The following LRRC4C variants were observed in gnomAD, a reference collection of about 807,000 sequenced individuals.
LRRC4C encodes the protein leucine-rich repeat-containing protein 4C.
Under a neutral mutation model 33.6 loss-of-function variants are expected in LRRC4C, and 5 were observed. That is an observed-to-expected ratio of 0.15 (90% CI 0.08 to 0.31). The LOEUF is 0.31. Ranked by LOEUF, LRRC4C falls within the 10% of genes least tolerant of loss-of-function variation. LRRC4C has a pLI of 1.00. For synonymous variants in LRRC4C, 329 were observed against 302.0 expected (o/e 1.09, Z -0.93); for missense variants, 560 against 796.7 (o/e 0.70, Z 3.58).
intron 1 of LRRC4C, among the ~76,000 whole-genome samples, chr11:41,276,017 T>C (rs758478014): frequency 3.3e-5 from 5 of 152,196 alleles, no homozygotes; most frequent in Admixed American, 6.5e-5. Context: ...TGACAAGATG[T>C]TATTTTTAAA....
intron 3 of LRRC4C, among the ~76,000 whole-genome samples, chr11:40,384,527 A>T (rs1312516043): frequency 6.6e-6 from 1 of 152,182 alleles, no homozygotes; most frequent in Non-Finnish European, 1.5e-5. Context: ...CAGAACCAGG[A>T]TTCAAACTTC....
intron 3 of LRRC4C, among the ~76,000 whole-genome samples, chr11:40,427,399 C>G (rs1460042098): frequency 1.3e-5 from 2 of 152,136 alleles, no homozygotes; most frequent in African/African-American, 2.4e-5. Context: ...CCCACCTACT[C>G]AGGAGGCTGA....
At position 40,115,411 on chromosome 11, in the gene LRRC4C, C is replaced by T; in HGVS notation, c.882G>A (p.Glu294=). 6.2e-7 allele frequency: 1 copy of T among 1,614,176 alleles called. No homozygotes were observed. Among genetic ancestry groups the T allele is most frequent in the Admixed American group, 1.7e-5 (1 of 60,018 alleles). Residue 294 remains glutamate (E), a synonymous_variant, in exon 7 of 7, where the codon GAG becomes GAA. Coordinates refer to ENST00000528697, the MANE Select transcript of LRRC4C (RefSeq NM_001258419.2). This position sits in a 1 kb window ranked among gnomAD's most constrained non-coding sequence, Gnocchi z 6.7. The stretch of plus-strand genomic sequence containing the variant: ...AAGGGTTGTGATGTAAATGTATCCG[C>T]TCTAGATGATGCAAGGGAGTGAAGA... ...HDLFTPLHHL[E]RIHLHHNPWN...
chr11:40,888,251 T>C (rs1290126221), intron 2 of LRRC4C, among the ~76,000 whole-genome samples: 1 of 151,908 alleles, frequency 6.6e-6, no homozygotes, highest in Non-Finnish European at 1.5e-5. Flanking sequence ...TAAACATACA[T>C]GAAATATGTC....
At chr11:40,295,332 A>G (rs1646662116) in intron 4 of LRRC4C, among the ~76,000 whole-genome samples, 1 of 152,196 alleles carries the variant, frequency 6.6e-6, no homozygotes, top group South Asian at 2.1e-4. Context: ...ATATATATAT[A>G]TATGGAATAG....
intron 2 of LRRC4C, among the ~76,000 whole-genome samples, chr11:40,739,153 C>G (rs192583007): frequency 1.3e-3 from 190 of 151,976 alleles, no homozygotes; most frequent in Middle Eastern, 0.01. Flanking sequence ...TATTAGACCT[C>G]CAGGACTTAC....
chr11:40,558,327 C>T (rs550140749), intron 3 of LRRC4C, among the ~76,000 whole-genome samples: 1 of 152,118 alleles, frequency 6.6e-6, no homozygotes, highest in Admixed American at 6.5e-5. Flanking sequence ...ATCTGATCAG[C>T]GTAGGGATAC....
chr11:41,319,743 G>A (rs550375746), intron 1 of LRRC4C, among the ~76,000 whole-genome samples: 66 of 152,116 alleles, frequency 4.3e-4, no homozygotes, highest in African/African-American at 1.4e-3. Context: ...TAAAGATGGG[G>A]TCTTCCTATG....
intron 2 of LRRC4C, among the ~76,000 whole-genome samples, chr11:40,758,860 C>T (rs1949067300): frequency 6.6e-6 from 1 of 151,812 alleles, no homozygotes; most frequent in Non-Finnish European, 1.5e-5. Flanking sequence ...ACACCAAAAC[C>T]CATTCAGGTA....
chr11:40,690,899 G>T (rs1945192236), intron 2 of LRRC4C, among the ~76,000 whole-genome samples: 2 of 151,916 alleles, frequency 1.3e-5, no homozygotes, highest in Non-Finnish European at 2.9e-5. Flanking sequence ...AAGAAGAAAG[G>T]ACTCCAGAAG....
intron 2 of LRRC4C, among the ~76,000 whole-genome samples, chr11:40,669,889 A>G (rs938620147): frequency 6.6e-6 from 1 of 152,242 alleles, no homozygotes; most frequent in African/African-American, 2.4e-5. Flanking sequence ...TATTGAACTA[A>G]TTATAGAAAC....
At chr11:40,781,384 G>A (rs1950204757) in intron 2 of LRRC4C, among the ~76,000 whole-genome samples, 1 of 151,812 alleles carries the variant, frequency 6.6e-6, no homozygotes, top group Non-Finnish European at 1.5e-5. Context: ...TTAAGAAATT[G>A]ACCATCAATT....
rs139954978 is a variant in LRRC4C, at chr11:40,880,863, G to GTGTATA, written c.-407+52771_-407+52772insTATACA. Among the ~76,000 whole-genome samples, 953 of 145,618 alleles carry GTGTATA rather than the reference G, an allele frequency of 6.5e-3. 4 individuals are homozygous for GTGTATA. Among genetic ancestry groups the GTGTATA allele is most frequent in the Non-Finnish European group, 8.9e-3 (591 of 66,266 alleles). On this transcript the variant is annotated intron_variant, in intron 2 of 6. Transcript: ENST00000528697. ...ATGAGTGCAAATAAAATGTGTGTGTGTATATATATATATATATATGTATAC... is the reference window on the plus strand; with the variant it reads ...ATGAGTGCAAATAAAATGTGTGTGTGTGTATATATATATATATATATATATGTATAC...
intron 1 of LRRC4C, among the ~76,000 whole-genome samples, chr11:40,946,480 TTC>T (rs1958406596): frequency 6.6e-6 from 1 of 152,178 alleles, no homozygotes; most frequent in African/African-American, 2.4e-5. Flanking sequence ...CAAATGGTAG[TTC>T]TGTTTTAAGT....
At chr11:41,069,036 C>T (rs1049794612) in intron 1 of LRRC4C, among the ~76,000 whole-genome samples, 51 of 152,054 alleles carry the variant, frequency 3.4e-4, no homozygotes, top group Admixed American at 4.6e-4. Context: ...ACTGGCAAAC[C>T]GAATCCAGCA....
In LRRC4C at chr11:40,970,549, G is replaced by T. The variant is rs570636356; in HGVS notation, c.-495-36826C>A. The stretch of plus-strand genomic sequence containing the variant: ...TATTTCTTCATAGTAATGTGAGAAT[G>T]GACTAAAACAGAAAATTGGTACTGA... On this transcript the variant is annotated intron_variant, in intron 1 of 6. Coordinates refer to ENST00000528697, the MANE Select transcript of LRRC4C (RefSeq NM_001258419.2). 3.3e-5 allele frequency among the ~76,000 whole-genome samples: 5 copies of T among 152,192 alleles called. No homozygotes were observed. The South Asian group carries it at 1.0e-3, about 32-fold the overall frequency.
chr11:41,430,876 C>T (rs1191086154), intron 1 of LRRC4C, among the ~76,000 whole-genome samples: 1 of 151,558 alleles, frequency 6.6e-6, no homozygotes, highest in Non-Finnish European at 1.5e-5. Flanking sequence ...TTACTTTTTC[C>T]CCTACCACTA....
chr11:40,328,084 AT>A (rs1348946765), intron 3 of LRRC4C, among the ~76,000 whole-genome samples: 1 of 152,110 alleles, frequency 6.6e-6, no homozygotes, highest in Non-Finnish European at 1.5e-5. Flanking sequence ...TTTTATATAT[AT>A]TTTAAAAGAA....
intron 5 of LRRC4C, among the ~76,000 whole-genome samples, chr11:40,184,724 C>T (rs1439783266): frequency 6.6e-6 from 1 of 152,100 alleles, no homozygotes; most frequent in African/African-American, 2.4e-5. Context: ...TTCACTATCT[C>T]GAAAGAAGAG....
Sources: gnomAD v4.1 joint callset for allele counts (sites outside exome capture counted in the v4.1 genomes callset) on GRCh38, gnomAD v4.1.1 for gene constraint, Gnocchi (gnomAD v3.1) non-coding constraint, MANE v1.5 for transcripts, NCBI Gene and HGNC (gene_info 2026-07-23, HGNC 2026-07-21) for gene names.